The following RASAL2 variants were observed in gnomAD, a reference collection of about 807,000 sequenced individuals.
The protein encoded by RASAL2 is ras GTPase-activating protein nGAP.
In RASAL2, 58 loss-of-function variants were observed where a neutral mutation model predicts 128.9. That is an observed-to-expected ratio of 0.45 (90% CI 0.36 to 0.56). The LOEUF is 0.56. RASAL2 is among the 20% of genes least tolerant of loss of function. RASAL2 has a pLI of 0.00. For synonymous variants in RASAL2, 561 were observed against 580.8 expected (o/e 0.97, Z 0.49); for missense variants, 1,360 against 1,601.6 (o/e 0.85, Z 2.57).
At chr1:178,149,398 A>G (rs929396279) in intron 1 of RASAL2, among the ~76,000 whole-genome samples, 1 of 152,110 alleles carries the variant, frequency 6.6e-6, no homozygotes, top group East Asian at 1.9e-4. Context: ...TTGTCAGTAT[A>G]AAATACTCTA....
chr1:178,179,887 A>G (rs1662028041), intron 1 of RASAL2, among the ~76,000 whole-genome samples: 1 of 152,222 alleles, frequency 6.6e-6, no homozygotes, highest in Admixed American at 6.5e-5. Flanking sequence ...TTCGTACGAA[A>G]TAGAAAATAA....
intron 1 of RASAL2, among the ~76,000 whole-genome samples, chr1:178,271,180 C>G (rs1344369125): frequency 6.6e-6 from 1 of 152,198 alleles, no homozygotes; most frequent in Non-Finnish European, 1.5e-5. Context: ...TGGCCTATCC[C>G]TGAACCTTTC....
At chr1:178,447,518 AC>A (rs1301170168) in intron 9 of RASAL2, among the ~76,000 whole-genome samples, 2 of 151,682 alleles carry the variant, frequency 1.3e-5, no homozygotes, top group African/African-American at 4.8e-5. Context: ...TACTAAAAAT[AC>A]AAAAATTAGC....
At chr1:178,401,030 C>T (rs1371928014) in intron 4 of RASAL2, among the ~76,000 whole-genome samples, 1 of 152,170 alleles carries the variant, frequency 6.6e-6, no homozygotes, top group African/African-American at 2.4e-5. Flanking sequence ...GAATTACAGG[C>T]GTGAGCCACC....
chr1:178,235,941 A>G (rs1016967735), intron 1 of RASAL2, among the ~76,000 whole-genome samples: 4 of 152,212 alleles, frequency 2.6e-5, no homozygotes, highest in Non-Finnish European at 5.9e-5. Context: ...GAGAGCTAGT[A>G]TCCTAATGAA....
intron 3 of RASAL2, among the ~76,000 whole-genome samples, chr1:178,370,065 T>C (rs967141982): frequency 6.6e-6 from 1 of 152,176 alleles, no homozygotes; most frequent in African/African-American, 2.4e-5. Context: ...GGTACCAAAG[T>C]CATTCGGCAA....
At chr1:178,118,036 C>T (rs1181146614) in intron 1 of RASAL2, among the ~76,000 whole-genome samples, 1 of 151,850 alleles carries the variant, frequency 6.6e-6, no homozygotes, top group African/African-American at 2.4e-5. Flanking sequence ...CGGTGGCTGG[C>T]CTCTGTAATC....
intron 1 of RASAL2, among the ~76,000 whole-genome samples, chr1:178,180,963 C>T (rs1254314948): frequency 4.6e-5 from 7 of 151,990 alleles, no homozygotes; most frequent in East Asian, 1.9e-4. Flanking sequence ...CTAAGTTGTT[C>T]GACCTAATGA....
intron 1 of RASAL2, among the ~76,000 whole-genome samples, chr1:178,160,989 G>T (rs147395682): frequency 6.6e-6 from 1 of 152,078 alleles, no homozygotes; most frequent in South Asian, 2.1e-4. Flanking sequence ...TGCTTCTCTG[G>T]CCTCTTCTTC....
intron 4 of RASAL2, among the ~76,000 whole-genome samples, chr1:178,414,268 G>A (rs925079040): frequency 6.6e-6 from 1 of 152,194 alleles, no homozygotes; most frequent in African/African-American, 2.4e-5. Context: ...TATGGAATCA[G>A]TGAAAAGATC....
intron 1 of RASAL2, among the ~76,000 whole-genome samples, chr1:178,186,354 T>C (rs1242002501): frequency 6.6e-6 from 1 of 152,100 alleles, no homozygotes; most frequent in Non-Finnish European, 1.5e-5. Flanking sequence ...TTTTTCTCTG[T>C]TGATTCTCCG....
intron 1 of RASAL2, among the ~76,000 whole-genome samples, chr1:178,181,961 T>G (rs1391920430): frequency 6.6e-6 from 1 of 152,178 alleles, no homozygotes; most frequent in African/African-American, 2.4e-5. Context: ...GTAAAGTTAC[T>G]TTTTCCCCCT....
chr1:178,250,765 T>C (rs911888943), intron 1 of RASAL2, among the ~76,000 whole-genome samples: 6 of 152,226 alleles, frequency 3.9e-5, no homozygotes, highest in African/African-American at 1.4e-4. Flanking sequence ...TGAACACTTA[T>C]AAGCAAACAC....
At position 178,208,438 on chromosome 1, in the gene RASAL2, T is replaced by C. The variant is rs1398106764; in HGVS notation, c.203-75126T>C. ...TTGAGATAAGGACTGAGATACGCCC[T>C]GGTCTTCTGCAGTACCCTCAGGCTT... On this transcript the variant is annotated intron_variant, in intron 1 of 17. Coordinates refer to ENST00000367649, the MANE Select transcript of RASAL2 (RefSeq NM_170692.4). Among the ~76,000 whole-genome samples the C allele has an allele frequency of 3.9e-5, 6 of 152,130 alleles. No homozygotes were observed. The East Asian group carries it at 1.2e-3, about 29-fold the overall frequency.
chr1:178,380,760 G>A (rs935170755), intron 3 of RASAL2, among the ~76,000 whole-genome samples: 22 of 152,122 alleles, frequency 1.4e-4, no homozygotes, highest in South Asian at 4.1e-4. Flanking sequence ...GAATTCTACC[G>A]GTTAAAATTT....
intron 3 of RASAL2, among the ~76,000 whole-genome samples, chr1:178,384,298 A>G (rs890736021): frequency 6.6e-6 from 1 of 152,142 alleles, no homozygotes; most frequent in African/African-American, 2.4e-5. Context: ...TTAGTTTCTT[A>G]TATAATTGTT....
At chr1:178,140,407 A>C (rs188155749) in intron 1 of RASAL2, among the ~76,000 whole-genome samples, 1 of 152,184 alleles carries the variant, frequency 6.6e-6, no homozygotes, top group African/African-American at 2.4e-5. Flanking sequence ...GCATAATGCC[A>C]TATCTCTACC....
At chr1:178,464,625 T>G (rs1414514969) in intron 15 of RASAL2, among the ~76,000 whole-genome samples, 1 of 149,294 alleles carries the variant, frequency 6.7e-6, no homozygotes, top group Non-Finnish European at 1.5e-5. Context: ...ATGTTCATCT[T>G]GCTAGGGGGT....
intron 1 of RASAL2, among the ~76,000 whole-genome samples, chr1:178,193,703 TG>T (rs1391850663): frequency 1.2e-4 from 18 of 152,158 alleles, no homozygotes; most frequent in Non-Finnish European, 2.5e-4. Flanking sequence ...CTTTTTTCCT[TG>T]TACCTAAACA....
Sources: allele counts gnomAD v4.1 joint callset (sites outside exome capture counted in the v4.1 genomes callset), GRCh38; gene constraint gnomAD v4.1.1; transcripts MANE v1.5; gene names NCBI Gene and HGNC (gene_info 2026-07-23, HGNC 2026-07-21).